The following TMEM71 variants were observed in gnomAD, a reference collection of about 807,000 sequenced individuals.
The protein encoded by TMEM71 is transmembrane protein 71.
TMEM71 carries 44 observed loss-of-function variants against 38.0 expected under a neutral mutation model. That is an observed-to-expected ratio of 1.16 (90% confidence interval 0.91 to 1.49). The LOEUF is 1.49. TMEM71 is among the 40% of genes most tolerant of loss of function. The pLI is 0.00. For missense variants in TMEM71, 367 were observed against 348.6 expected, an observed-to-expected ratio of 1.05 and a Z score of -0.42; for synonymous variants, 133 against 122.5, an observed-to-expected ratio of 1.09 and a Z score of -0.56.
At chr8:132,706,361 G>GT (rs1826094640), downstream of TMEM71, among the ~76,000 whole-genome samples, 1 of 152,066 alleles carries the variant, frequency 6.6e-6, no homozygotes, top group Non-Finnish European at 1.5e-5. Flanking sequence ...GAGCAAGTTT[G>GT]TTGAGGGCAG....
intron 5 of TMEM71, among the ~76,000 whole-genome samples, chr8:132,728,660 G>A (rs993092020): frequency 6.6e-6 from 1 of 152,216 alleles, no homozygotes; most frequent in Non-Finnish European, 1.5e-5. Flanking sequence ...TGGATTTAAA[G>A]GATATGTAGT....
At chr8:132,750,734 A>G (rs1419512819) in intron 4 of TMEM71, among the ~76,000 whole-genome samples, 3 of 152,224 alleles carry the variant, frequency 2.0e-5, no homozygotes, top group Non-Finnish European at 2.9e-5. Flanking sequence ...CCAATTTACC[A>G]ATGCAAAGTG....
chr8:132,722,457 A>C (rs930906591), intron 6 of TMEM71, among the ~76,000 whole-genome samples: 1 of 152,256 alleles, frequency 6.6e-6, no homozygotes, highest in Non-Finnish European at 1.5e-5. Context: ...TCATTGTGAT[A>C]ATAATAATGT....
At chr8:132,719,335 A>T (rs896845610) in intron 7 of TMEM71, among the ~76,000 whole-genome samples, 1 of 152,266 alleles carries the variant, frequency 6.6e-6, no homozygotes, top group Admixed American at 6.5e-5. Context: ...GAGTGTCTAC[A>T]TGATGCCACA....
At chr8:132,727,743 C>T (rs2131062889) in intron 6 of TMEM71, 55 bp downstream of exon 6, 1 of 1,460,978 alleles carries the variant, frequency 6.8e-7, no homozygotes, top group South Asian at 1.3e-5. Flanking sequence ...CATTCTCAGG[C>T]TCTGAAAGGA....
intron 6 of TMEM71, among the ~76,000 whole-genome samples, chr8:132,725,249 C>A (rs1827078773): frequency 6.6e-6 from 1 of 152,068 alleles, no homozygotes; most frequent in African/African-American, 2.4e-5. Flanking sequence ...AGGCTGGTCT[C>A]CAACTCCTGG....
chr8:132,725,321 T>A (rs1827083122), intron 6 of TMEM71, among the ~76,000 whole-genome samples: 2 of 152,170 alleles, frequency 1.3e-5, no homozygotes, highest in Admixed American at 1.3e-4. Context: ...TGAGACACCA[T>A]GACTGACTAA....
chr8:132,720,014 T>C (rs967623609), intron 7 of TMEM71, among the ~76,000 whole-genome samples: 8 of 152,172 alleles, frequency 5.3e-5, no homozygotes, highest in Admixed American at 1.3e-4. Context: ...CCTGCTCAGA[T>C]AATGTGTTGA....
At chr8:132,731,755 T>C (rs1225234506) in intron 5 of TMEM71, among the ~76,000 whole-genome samples, 1 of 152,104 alleles carries the variant, frequency 6.6e-6, no homozygotes, top group Admixed American at 6.5e-5. Context: ...ATCAAGAAGG[T>C]GATTTTTACC....
chr8:132,747,186 C>T, intron 4 of TMEM71, 72 bp from the exon 5 acceptor site: 2 of 1,322,984 alleles, frequency 1.5e-6, no homozygotes, highest in Non-Finnish European at 2.0e-6. Context: ...ATTTGAAGCG[C>T]AGAGTACATT....
intron 7 of TMEM71, among the ~76,000 whole-genome samples, chr8:132,719,987 T>A (rs1826751075): frequency 6.6e-6 from 1 of 152,224 alleles, no homozygotes; most frequent in South Asian, 2.1e-4. Flanking sequence ...TTGATGACCT[T>A]GACAGTTTTG....
upstream of TMEM71, among the ~76,000 whole-genome samples, chr8:132,762,926 A>G (rs1829321356): frequency 3.3e-5 from 5 of 152,244 alleles, no homozygotes; most frequent in Admixed American, 3.3e-4. Context: ...AGAGGTTTAT[A>G]GAGTTTGCAT....
chr8:132,739,737 C>T (rs1353671991), intron 5 of TMEM71, among the ~76,000 whole-genome samples: 1 of 152,096 alleles, frequency 6.6e-6, no homozygotes, highest in African/African-American at 2.4e-5. Context: ...GATATTTAAA[C>T]AAGATAATGT....
upstream of TMEM71, among the ~76,000 whole-genome samples, chr8:132,764,703 T>A (rs1006945135): frequency 6.6e-6 from 1 of 152,194 alleles, no homozygotes; most frequent in African/African-American, 2.4e-5. Flanking sequence ...CTGAGCAGCC[T>A]CTCTGACCCT....
At chr8:132,767,404 T>C in the TMEM71 span, among the ~76,000 whole-genome samples, 2 of 152,134 alleles carry the variant, frequency 1.3e-5, no homozygotes, top group African/African-American at 4.8e-5. Context: ...CAACTTTTCA[T>C]GCATTTGATT....
intron 4 of TMEM71, among the ~76,000 whole-genome samples, chr8:132,749,825 C>G (rs1235994078): frequency 6.6e-6 from 1 of 151,914 alleles, no homozygotes; most frequent in Admixed American, 6.6e-5. Context: ...ACCATCCTGG[C>G]CAACATGGCG....
Position 132,722,073 on chromosome 8 carries a change from A to G in TMEM71, c.719T>C (p.Leu240Pro), listed in dbSNP as rs1358061225. 2 of 1,614,200 alleles carry G rather than the reference A, an allele frequency of 1.2e-6. No individual in the cohort carries two copies. Among genetic ancestry groups the G allele is most frequent in the East Asian group, 4.5e-5 (2 of 44,886 alleles). ...TGCAGAAATGATTAAGCACACAGCA[A>G]GCAGGATTGCCTGAAAGAAGACCTC... Reference protein sequence around the residue: ...LQEVFFQAILLAVCLIISACA... With the variant: ...LQEVFFQAILPAVCLIISACA... Residue 240 changes from leucine (L) to proline (P), a missense_variant, in exon 7 of 10, where the codon CTT becomes CCT. Leu to Pro is a moderately conservative substitution (Grantham distance 98). Coordinates refer to ENST00000677595, the MANE Select transcript of TMEM71 (RefSeq NM_001382403.1).
At chr8:132,716,858 A>G (rs776480091) in intron 7 of TMEM71, among the ~76,000 whole-genome samples, 1 of 152,152 alleles carries the variant, frequency 6.6e-6, no homozygotes, top group Non-Finnish European at 1.5e-5. Context: ...ACAACTGCAC[A>G]TTGTTCTGTG....
chr8:132,768,431 C>G, the TMEM71 span, among the ~76,000 whole-genome samples: 1 of 152,028 alleles, frequency 6.6e-6, no homozygotes. Context: ...AGATCATTTG[C>G]TGCTAATGTG....
Sources: gnomAD v4.1 joint callset for allele counts (sites outside exome capture counted in the v4.1 genomes callset) on GRCh38, gnomAD v4.1.1 for gene constraint, MANE v1.5 for transcripts, NCBI Gene and HGNC (gene_info 2026-07-23, HGNC 2026-07-21) for gene names.